TSHR: variants seen among roughly 807,000 people sequenced by gnomAD.
TSHR encodes the protein thyrotropin receptor.
In TSHR, 51 loss-of-function variants were observed where a neutral mutation model predicts 64.1. The ratio of observed to expected loss-of-function variants is 0.80; its 90% CI spans 0.64 to 1.01. The LOEUF is 1.01. TSHR is among the 50% of genes least tolerant of loss of function. The pLI is 0.00. For missense variants in TSHR, 877 were observed against 942.8 expected, an observed-to-expected ratio of 0.93 and a Z score of 0.91; for synonymous variants, 361 against 361.9, an observed-to-expected ratio of 1.00 and a Z score of 0.03.
chr14:81,040,775 G>A (rs573173552), intron 1 of TSHR, among the ~76,000 whole-genome samples: 34 of 152,154 alleles, frequency 2.2e-4, no homozygotes, highest in African/African-American at 8.2e-4. Flanking sequence ...TCTGACAAAG[G>A]TCTAATATCC....
chr14:80,984,102 T>C (rs1273674199), intron 1 of TSHR, among the ~76,000 whole-genome samples: 1 of 152,140 alleles, frequency 6.6e-6, no homozygotes, highest in Non-Finnish European at 1.5e-5. Flanking sequence ...TGTATACCCA[T>C]GACCAAATGT....
At chr14:81,078,591 A>G (rs1465232638) in intron 3 of TSHR, 3 of 152,204 alleles carry the variant, frequency 2.0e-5, no homozygotes, top group African/African-American at 7.2e-5. Flanking sequence ...CTATTTCAAT[A>G]GAGTATGTTA....
At chr14:81,091,216 G>A (rs978915944) in intron 5 of TSHR, 73 bp downstream of exon 5, 19 of 1,349,290 alleles carry the variant, frequency 1.4e-5, no homozygotes, top group Non-Finnish European at 2.0e-5. Flanking sequence ...CAGTCATGAG[G>A]GTAGGTTGAA....
intron 1 of TSHR, among the ~76,000 whole-genome samples, chr14:81,061,341 C>T (rs1287915062): frequency 1.3e-5 from 2 of 151,964 alleles, no homozygotes; most frequent in African/African-American, 4.8e-5. Context: ...ATGTTGTTCG[C>T]ACGAATGTTC....
intron 1 of TSHR, among the ~76,000 whole-genome samples, chr14:81,016,839 TG>T (rs1245905893): frequency 6.6e-6 from 1 of 152,216 alleles, no homozygotes; most frequent in Non-Finnish European, 1.5e-5. Context: ...TTTCATTTTT[TG>T]GTATGTGGAT....
At chr14:81,112,514 A>G (rs1890268489) in intron 8 of TSHR, among the ~76,000 whole-genome samples, 1 of 152,162 alleles carries the variant, frequency 6.6e-6, no homozygotes, top group Non-Finnish European at 1.5e-5. Context: ...CTCATACCTT[A>G]GCTCTTATTT....
At chr14:80,976,233 A>G (rs1326131741) in intron 1 of TSHR, among the ~76,000 whole-genome samples, 1 of 152,110 alleles carries the variant, frequency 6.6e-6, no homozygotes, top group African/African-American at 2.4e-5. Context: ...CTTCCACAAC[A>G]GCCACAGCCC....
intron 1 of TSHR, among the ~76,000 whole-genome samples, chr14:80,981,596 T>A (rs1888174432): frequency 6.6e-6 from 1 of 152,066 alleles, no homozygotes; most frequent in Non-Finnish European, 1.5e-5. Context: ...GGTGATGAGG[T>A]CTGTTCCTTT....
chr14:81,033,679 A>G (rs893107930), intron 1 of TSHR, among the ~76,000 whole-genome samples: 1 of 152,100 alleles, frequency 6.6e-6, no homozygotes, highest in African/African-American at 2.4e-5. Flanking sequence ...TTAGCAGCAC[A>G]CAAAAACCAG....
In TSHR at chr14:81,132,224, T is replaced by C. The variant is rs528896118; in HGVS notation, c.693-7455T>C. Among the ~76,000 whole-genome samples the C allele has an allele frequency of 2.4e-4, 37 of 152,320 alleles. No homozygotes were observed. In the South Asian group the frequency reaches 7.1e-3, roughly 29 times the overall value. On this transcript the variant is annotated intron_variant, in intron 8 of 9. Transcript: ENST00000298171. Reference sequence around the variant, plus strand: ...ATGGAGCAGCTTCCACATATTGACCTTTGGGAAAACCTACTTTCATGACAA... The same window carrying C: ...ATGGAGCAGCTTCCACATATTGACCCTTGGGAAAACCTACTTTCATGACAA...
chr14:81,069,589 A>G (rs1288838942), intron 3 of TSHR, among the ~76,000 whole-genome samples: 2 of 152,234 alleles, frequency 1.3e-5, no homozygotes, highest in Non-Finnish European at 1.5e-5. Context: ...GAAACTGACC[A>G]GAGGTTTAGG....
chr14:81,005,140 A>G (rs1263571366), intron 1 of TSHR, among the ~76,000 whole-genome samples: 2 of 152,084 alleles, frequency 1.3e-5, no homozygotes, highest in Non-Finnish European at 2.9e-5. Flanking sequence ...TCCAATTTGT[A>G]CTTGTCTATG....
intron 7 of TSHR, chr14:81,102,904 G>C: frequency 1.0e-6 from 1 of 985,310 alleles, no homozygotes; most frequent in Non-Finnish European, 1.2e-6. Context: ...AGAAAGTACA[G>C]ATCCAATCAT....
At chr14:81,138,291 A>C (rs1891536909) in intron 8 of TSHR, among the ~76,000 whole-genome samples, 1 of 151,350 alleles carries the variant, frequency 6.6e-6, no homozygotes, top group Non-Finnish European at 1.5e-5. Flanking sequence ...CCCAGGTTGA[A>C]GTGATTCTCC....
intron 1 of TSHR, among the ~76,000 whole-genome samples, chr14:81,018,766 T>C (rs954993591): frequency 9.2e-5 from 14 of 152,150 alleles, no homozygotes; most frequent in Non-Finnish European, 1.8e-4. Flanking sequence ...ACTACATGAA[T>C]AAGTGAAATA....
At chr14:81,083,373 T>C (rs1888047482) in intron 3 of TSHR, among the ~76,000 whole-genome samples, 1 of 152,214 alleles carries the variant, frequency 6.6e-6, no homozygotes, top group Non-Finnish European at 1.5e-5. Context: ...TTCATCTAAA[T>C]GTTTATTTCA....
rs1566772860 is a variant in TSHR, at chr14:81,033,561, T to TG, written c.171-28587_171-28586insG. 3.0e-4 allele frequency among the ~76,000 whole-genome samples: 45 copies of TG among 152,026 alleles called. 2 individuals are homozygous for TG. In the South Asian group the frequency reaches 8.5e-3, roughly 29 times the overall value. On this transcript the variant is annotated intron_variant, in intron 1 of 9. Transcript: ENST00000298171. ...CAGTGGTAAGTTAAAATCAGGGTTTTTTTTTTTTTCTTTTTATCAGAAGTT... is the reference window on the plus strand; with the variant it reads ...CAGTGGTAAGTTAAAATCAGGGTTTTGTTTTTTTTTCTTTTTATCAGAAGTT...
intron 8 of TSHR, among the ~76,000 whole-genome samples, chr14:81,138,592 T>A (rs1037594771): frequency 1.3e-5 from 2 of 152,148 alleles, no homozygotes; most frequent in African/African-American, 4.8e-5. Context: ...AACCCTTTCC[T>A]CACAAGAGTA....
intron 7 of TSHR, chr14:81,104,636 G>A: frequency 1.0e-6 from 1 of 985,358 alleles, no homozygotes; most frequent in Non-Finnish European, 1.2e-6. Context: ...AACAGAAAAG[G>A]GCGTACATAA....
Sources: gnomAD v4.1 joint callset for allele counts (sites outside exome capture counted in the v4.1 genomes callset) on GRCh38, gnomAD v4.1.1 for gene constraint, MANE v1.5 for transcripts, NCBI Gene and HGNC (gene_info 2026-07-23, HGNC 2026-07-21) for gene names.